The following TENM3 variants were observed in gnomAD, a reference collection of about 807,000 sequenced individuals.
TENM3 encodes the protein teneurin transmembrane protein 3.
TENM3 carries 63 observed loss-of-function variants against 255.1 expected under a neutral mutation model. That is an observed-to-expected ratio of 0.25 (90% confidence interval 0.20 to 0.30). The LOEUF (loss-of-function observed/expected upper bound fraction) is 0.30, where lower values mean the gene tolerates loss of function less well. TENM3 is among the 10% of genes least tolerant of loss of function. The probability of loss-of-function intolerance (pLI) is 1.00; values close to 1 mark genes in which losing one functional copy is unlikely to be tolerated. For synonymous variants in TENM3, 1,306 were observed against 1,322.3 expected, an observed-to-expected ratio of 0.99 and a Z score of 0.27; for missense variants, 2,929 against 3,461.1, an observed-to-expected ratio of 0.85 and a Z score of 3.86.
intron 3 of TENM3, among the ~76,000 whole-genome samples, chr4:182,542,429 C>G (rs1047382408): frequency 6.6e-6 from 1 of 152,076 alleles, no homozygotes; most frequent in African/African-American, 2.4e-5. Flanking sequence ...TGGGCAAACC[C>G]ATTTGAGGGC....
the TENM3 span, among the ~76,000 whole-genome samples, chr4:181,459,266 C>A: frequency 6.6e-6 from 1 of 151,816 alleles, no homozygotes; most frequent in East Asian, 1.9e-4. Context: ...TTATGGAGTT[C>A]TTTCTATATG....
At chr4:181,657,406 CG>C in the TENM3 span, among the ~76,000 whole-genome samples, 2 of 152,046 alleles carry the variant, frequency 1.3e-5, no homozygotes, top group South Asian at 2.1e-4. Context: ...GGCCAAAAAA[CG>C]TAAGAAAAAA....
the TENM3 span, among the ~76,000 whole-genome samples, chr4:181,563,147 T>C: frequency 6.6e-6 from 1 of 152,212 alleles, no homozygotes; most frequent in Non-Finnish European, 1.5e-5. Context: ...CAGAAACTCA[T>C]TGCCTCACAG....
the TENM3 span, among the ~76,000 whole-genome samples, chr4:181,511,620 G>C: frequency 0.36 from 54,723 of 152,098 alleles, 10,967 homozygotes; most frequent in Non-Finnish European, 0.47. Context: ...AGAATGTAAA[G>C]TGTTCATACA....
At chr4:182,310,760 G>A (rs1472866732) in intron 1 of TENM3, among the ~76,000 whole-genome samples, 3 of 151,864 alleles carry the variant, frequency 2.0e-5, no homozygotes, top group Non-Finnish European at 4.4e-5. Flanking sequence ...AGGCTGCAGT[G>A]CAGTGGCACG....
chr4:181,471,151 C>A, the TENM3 span, among the ~76,000 whole-genome samples: 1 of 152,016 alleles, frequency 6.6e-6, no homozygotes. Flanking sequence ...AAGAGAACTT[C>A]AAGTATTGCA....
the TENM3 span, among the ~76,000 whole-genome samples, chr4:181,654,110 C>G: frequency 6.6e-6 from 1 of 151,824 alleles, no homozygotes; most frequent in Admixed American, 6.6e-5. Flanking sequence ...ATAAGTCTAG[C>G]TAGTCTTTTT....
At chr4:181,555,303 A>C in the TENM3 span, among the ~76,000 whole-genome samples, 1 of 152,150 alleles carries the variant, frequency 6.6e-6, no homozygotes, top group East Asian at 1.9e-4. Flanking sequence ...GAGTTAGGGT[A>C]CTAATCGAGT....
the TENM3 span, among the ~76,000 whole-genome samples, chr4:181,931,617 T>A: frequency 2.0e-5 from 3 of 152,200 alleles, no homozygotes; most frequent in African/African-American, 7.2e-5. Context: ...TTCAATGCTA[T>A]TCTCATCAAA....
chr4:182,264,676 C>T (rs925560109), intron 1 of TENM3, among the ~76,000 whole-genome samples: 1 of 152,156 alleles, frequency 6.6e-6, no homozygotes, highest in Non-Finnish European at 1.5e-5. Context: ...TGTCTTTTCT[C>T]TTCTCCGTGG....
chr4:181,978,802 C>G, the TENM3 span, among the ~76,000 whole-genome samples: 1 of 150,972 alleles, frequency 6.6e-6, no homozygotes, highest in Non-Finnish European at 1.5e-5. Context: ...CTATCTGAAA[C>G]TTAGGAACGT....
intron 3 of TENM3, among the ~76,000 whole-genome samples, chr4:182,566,791 T>C (rs1466732514): frequency 1.3e-5 from 2 of 152,198 alleles, no homozygotes; most frequent in East Asian, 1.9e-4. Flanking sequence ...TTTTCACAAG[T>C]AGTAGATGTC....
chr4:182,786,001 G>A (rs1428139453), intron 24 of TENM3, among the ~76,000 whole-genome samples: 9 of 152,284 alleles, frequency 5.9e-5, no homozygotes, highest in African/African-American at 1.9e-4. Flanking sequence ...AGTAAGAATG[G>A]TTAAAGCCTT....
the TENM3 span, among the ~76,000 whole-genome samples, chr4:181,616,776 C>T: frequency 6.6e-6 from 1 of 152,080 alleles, no homozygotes; most frequent in Non-Finnish European, 1.5e-5. Context: ...GTCTCAGCTC[C>T]AGAAATGAGA....
At chr4:182,272,455 C>T (rs1276110670) in intron 1 of TENM3, among the ~76,000 whole-genome samples, 1 of 152,150 alleles carries the variant, frequency 6.6e-6, no homozygotes, top group East Asian at 1.9e-4. Flanking sequence ...AGCAAATCTT[C>T]CGAGAGGCCA....
At chr4:182,226,189 TGA>T (rs1313200632) in intron 1 of TENM3, among the ~76,000 whole-genome samples, 3 of 151,940 alleles carry the variant, frequency 2.0e-5, no homozygotes, top group Non-Finnish European at 4.4e-5. Context: ...TTAGCCAGGC[TGA>T]GAGAAAGGAA....
the TENM3 span, among the ~76,000 whole-genome samples, chr4:181,767,610 C>T: frequency 6.6e-6 from 1 of 152,158 alleles, no homozygotes; most frequent in East Asian, 1.9e-4. Context: ...AGCTGTGGAT[C>T]ACTGGATCCT....
the TENM3 span, among the ~76,000 whole-genome samples, chr4:181,485,653 C>A: frequency 6.6e-6 from 1 of 152,074 alleles, no homozygotes; most frequent in African/African-American, 2.4e-5. Context: ...CGGATAACAT[C>A]ATTAACGTAT....
At chr4:181,705,116 AG>A in the TENM3 span, among the ~76,000 whole-genome samples, 2,209 of 152,148 alleles carry the variant, frequency 0.015, 66 homozygotes, top group African/African-American at 0.051. Context: ...GGGTGGGTAG[AG>A]GGATGGGGAA....
Sources: gnomAD v4.1 joint callset for allele counts (sites outside exome capture counted in the v4.1 genomes callset) on GRCh38, gnomAD v4.1.1 for gene constraint, MANE v1.5 for transcripts, NCBI Gene and HGNC (gene_info 2026-07-23, HGNC 2026-07-21) for gene names.